The following CCDC102B variants were observed in gnomAD, a reference collection of about 807,000 sequenced individuals.
CCDC102B encodes coiled-coil domain containing 102B, also known as coiled-coil domain-containing protein 102B.
In CCDC102B, 75 loss-of-function variants were observed where a neutral mutation model predicts 57.4. The ratio of observed to expected loss-of-function variants is 1.31; its 90% CI spans 1.08 to 1.58. CCDC102B has a LOEUF of 1.58. Ranked by LOEUF, CCDC102B falls within the 40% of genes most tolerant of loss-of-function variation. CCDC102B has a pLI of 0.00. For missense variants in CCDC102B, 636 were observed against 582.6 expected (o/e 1.09, Z -0.94); for synonymous variants, 206 against 201.9 (o/e 1.02, Z -0.17).
In CCDC102B at chr18:68,956,349, T is replaced by TAAAATA. The variant is rs1491436001; in HGVS notation, c.1264-54585_1264-54584insAAAATA. Among the ~76,000 whole-genome samples the TAAAATA allele has an allele frequency of 3.2e-3, 181 of 57,208 alleles. 6 individuals carry two copies. Among genetic ancestry groups the TAAAATA allele is most frequent in the South Asian group, 0.013 (34 of 2,536 alleles). The allele number at this position is 57,208 out of a possible 152,430, so 37.5% of individuals were successfully genotyped here. A position where few individuals can be genotyped will look rare whatever the true frequency, so the allele number is the denominator to read the frequency against. ...ATATATATTATATATAATATATATA[T>TAAAATA]TAATATATATAATATATATATAAAA... On this transcript the variant is annotated intron_variant, in intron 6 of 7. Coordinates refer to ENST00000360242, the MANE Select transcript of CCDC102B (RefSeq NM_024781.3).
chr18:68,849,076 T>C (rs1427637326), intron 4 of CCDC102B, among the ~76,000 whole-genome samples: 1 of 152,106 alleles, frequency 6.6e-6, no homozygotes, highest in African/African-American at 2.4e-5. Context: ...ATAAATACTT[T>C]CAGAGACACA....
intron 2 of CCDC102B, among the ~76,000 whole-genome samples, chr18:68,759,610 T>C (rs200547932): frequency 6.6e-6 from 1 of 152,238 alleles, no homozygotes; most frequent in East Asian, 1.9e-4. Context: ...TCTATACACA[T>C]TCAAATTGTC....
At chr18:68,849,534 C>A (rs994528550) in intron 4 of CCDC102B, among the ~76,000 whole-genome samples, 1 of 152,102 alleles carries the variant, frequency 6.6e-6, no homozygotes, top group Non-Finnish European at 1.5e-5. Context: ...TATTTACCAC[C>A]ACTGTTGACC....
intron 6 of CCDC102B, among the ~76,000 whole-genome samples, chr18:68,932,593 A>T (rs892566644): frequency 1.3e-5 from 2 of 151,958 alleles, no homozygotes; most frequent in African/African-American, 4.8e-5. Flanking sequence ...AAATCTTCTG[A>T]AAAAATTCCT....
chr18:68,995,216 G>A (rs186381632), intron 6 of CCDC102B, among the ~76,000 whole-genome samples: 29 of 152,250 alleles, frequency 1.9e-4, no homozygotes, highest in South Asian at 8.3e-4. Context: ...GAAGCAGAGC[G>A]TAAAAATTTG....
At chr18:68,933,411 A>C (rs1568338407) in intron 6 of CCDC102B, among the ~76,000 whole-genome samples, 5 of 151,918 alleles carry the variant, frequency 3.3e-5, no homozygotes. Flanking sequence ...AAATATTCTT[A>C]GTTTTAAATG....
chr18:68,826,931 G>A (rs2036926512), intron 1 of CCDC102B, among the ~76,000 whole-genome samples: 1 of 152,034 alleles, frequency 6.6e-6, no homozygotes, highest in Non-Finnish European at 1.5e-5. Flanking sequence ...TGTAACCAAT[G>A]TTGAACTTCT....
chr18:68,756,742 A>C (rs555103969), intron 2 of CCDC102B, among the ~76,000 whole-genome samples: 2 of 152,316 alleles, frequency 1.3e-5, no homozygotes, highest in Non-Finnish European at 2.9e-5. Context: ...GAAAACTCAG[A>C]AGCCAAGTAA....
At chr18:68,938,840 T>C (rs1052576497) in intron 6 of CCDC102B, among the ~76,000 whole-genome samples, 2 of 151,720 alleles carry the variant, frequency 1.3e-5, no homozygotes, top group Admixed American at 6.6e-5. Flanking sequence ...AGATACCTCA[T>C]ATATTTAATT....
chr18:68,886,055 A>G (rs2039872971), intron 5 of CCDC102B, among the ~76,000 whole-genome samples: 1 of 151,892 alleles, frequency 6.6e-6, no homozygotes, highest in African/African-American at 2.4e-5. Context: ...TTGTAAATAT[A>G]TATATATATT....
intron 6 of CCDC102B, among the ~76,000 whole-genome samples, chr18:68,994,333 T>C (rs2050957403): frequency 6.6e-6 from 1 of 152,170 alleles, no homozygotes; most frequent in Admixed American, 6.5e-5. Flanking sequence ...CATGTTGGTA[T>C]ATTCATTGTA....
chr18:68,981,566 T>C (rs190603150), intron 6 of CCDC102B, among the ~76,000 whole-genome samples: 1 of 152,132 alleles, frequency 6.6e-6, no homozygotes, highest in Admixed American at 6.5e-5. Context: ...AAAAAAACCA[T>C]GTGTTTAGTT....
chr18:69,001,252 T>G (rs1280315792), intron 6 of CCDC102B, among the ~76,000 whole-genome samples: 1 of 152,138 alleles, frequency 6.6e-6, no homozygotes, highest in Non-Finnish European at 1.5e-5. Flanking sequence ...GTTAGCTGCT[T>G]TGTGTACCTC....
intron 1 of CCDC102B, among the ~76,000 whole-genome samples, chr18:68,814,040 G>A (rs1020974361): frequency 2.6e-5 from 4 of 152,002 alleles, no homozygotes; most frequent in African/African-American, 7.2e-5. Context: ...GGATAGTGGT[G>A]CCTTTTATTA....
Position 68,897,242 on chromosome 18 carries a change from T to C in CCDC102B, c.1077T>C (p.Asn359=). Residue 359 remains asparagine (N), a synonymous_variant, in exon 6 of 8, where the codon AAT becomes AAC. Transcript: ENST00000360242. The stretch of plus-strand genomic sequence containing the variant: ...AGCTAGAGAGATTGCAAGCTGAAAA[T>C]ACCTCGGAGTGGGACAAGAGGGAAA... The part of the protein sequence containing the change: ...RAELERLQAE[N]TSEWDKREIL... 6.2e-7 allele frequency: 1 copy of C among 1,612,260 alleles called. No individual in the cohort carries two copies.
chr18:69,035,218 C>T (rs1310100515), intron 7 of CCDC102B, among the ~76,000 whole-genome samples: 1 of 151,962 alleles, frequency 6.6e-6, no homozygotes, highest in Non-Finnish European at 1.5e-5. Flanking sequence ...ATTCATTTAT[C>T]CAACAATAGC....
At chr18:68,765,045 TTAAATAAA>T (rs60550530) in intron 2 of CCDC102B, among the ~76,000 whole-genome samples, 3 of 127,098 alleles carry the variant, frequency 2.4e-5, no homozygotes, top group South Asian at 2.7e-4. Flanking sequence ...AAACCCTCTC[TTAAATAAA>T]TAAATAAATA....
At chr18:68,842,514 C>T (rs2037679725) in intron 3 of CCDC102B, among the ~76,000 whole-genome samples, 1 of 152,104 alleles carries the variant, frequency 6.6e-6, no homozygotes, top group Admixed American at 6.6e-5. Flanking sequence ...AATGAGGGTA[C>T]AGACACTTGA....
chr18:68,857,336 A>T (rs1434306791), intron 4 of CCDC102B, among the ~76,000 whole-genome samples: 1 of 92,562 alleles, frequency 1.1e-5, no homozygotes, highest in Non-Finnish European at 2.0e-5. Flanking sequence ...TATAAAATAT[A>T]TATTTATATA....
Sources: allele counts gnomAD v4.1 joint callset (sites outside exome capture counted in the v4.1 genomes callset), GRCh38; gene constraint gnomAD v4.1.1; transcripts MANE v1.5; gene names NCBI Gene and HGNC (gene_info 2026-07-23, HGNC 2026-07-21).